Variants in ANTXR2 observed in about 807,000 individuals in gnomAD.
ANTXR2 encodes the protein anthrax toxin receptor 2.
A neutral mutation model predicts 73.7 loss-of-function variants in ANTXR2; 44 were observed. The observed-to-expected ratio is 0.60, with a 90% CI of 0.47 to 0.77. ANTXR2 has a LOEUF of 0.77. Ranked by LOEUF, ANTXR2 falls within the 30% of genes least tolerant of loss-of-function variation. ANTXR2 has a pLI of 0.00. For missense variants in ANTXR2, 604 were observed against 592.5 expected (o/e 1.02, Z -0.20); for synonymous variants, 217 against 205.9 (o/e 1.05, Z -0.46).
chr4:79,994,394 A>G (rs768426754), intron 12 of ANTXR2, among the ~76,000 whole-genome samples: 93 of 152,034 alleles, frequency 6.1e-4, no homozygotes, highest in Non-Finnish European at 1.3e-3. Context: ...GAATTTCCAT[A>G]AAGTACTCTC....
intron 11 of ANTXR2, among the ~76,000 whole-genome samples, chr4:80,011,594 G>A (rs979745727): frequency 2.0e-5 from 3 of 152,020 alleles, no homozygotes; most frequent in South Asian, 2.1e-4. Flanking sequence ...TTCTAGTTTC[G>A]CTCGTGATAT....
intron 13 of ANTXR2, among the ~76,000 whole-genome samples, chr4:79,984,200 C>T (rs1292761281): frequency 6.6e-6 from 1 of 152,142 alleles, no homozygotes; most frequent in East Asian, 1.9e-4. Flanking sequence ...CTTACATCAT[C>T]CCTAGGTAAC....
intron 16 of ANTXR2, among the ~76,000 whole-genome samples, chr4:79,915,858 C>CTATATATATATATATATATATA (rs1248612325): frequency 8.5e-6 from 1 of 117,590 alleles, no homozygotes; most frequent in African/African-American, 3.0e-5. Context: ...CTCTCTCTCT[C>CTATATATATATATATATATATA]TCTCTATATA....
intron 7 of ANTXR2, among the ~76,000 whole-genome samples, chr4:80,045,583 T>G (rs1305857067): frequency 2.0e-5 from 3 of 151,070 alleles, no homozygotes; most frequent in Non-Finnish European, 3.0e-5. Flanking sequence ...AGCAAGGTTT[T>G]TTTTTTTTTT....
At chr4:80,011,336 A>ATCTATCTGTCTG (rs1731577094) in intron 11 of ANTXR2, among the ~76,000 whole-genome samples, 2 of 151,630 alleles carry the variant, frequency 1.3e-5, no homozygotes, top group African/African-American at 4.9e-5. Flanking sequence ...CTATCTATCT[A>ATCTATCTGTCTG]TCTATCTGTC....
At chr4:80,067,186 A>G (rs1470064463) in intron 3 of ANTXR2, among the ~76,000 whole-genome samples, 3 of 150,404 alleles carry the variant, frequency 2.0e-5, no homozygotes, top group African/African-American at 7.4e-5. Flanking sequence ...AGCCTGGGCA[A>G]CAGAACGAGA....
At chr4:80,031,918 CTT>C (rs1422201772) in intron 9 of ANTXR2, among the ~76,000 whole-genome samples, 1 of 151,620 alleles carries the variant, frequency 6.6e-6, no homozygotes, top group Non-Finnish European at 1.5e-5. Flanking sequence ...ATTATTTTGA[CTT>C]AGACTAAGTT....
chr4:79,930,659 C>T (rs1375093911), intron 16 of ANTXR2, among the ~76,000 whole-genome samples: 2 of 152,142 alleles, frequency 1.3e-5, no homozygotes, highest in Non-Finnish European at 2.9e-5. Flanking sequence ...TCATTCTCTC[C>T]TTCTTTTCCT....
Position 79,906,350 on chromosome 4 carries a change from A to C in ANTXR2, c.*1079T>G, listed in dbSNP as rs567072402. ...AATAGGTCATTCAATGTCAAAAGGC[A>C]TAAAAAAGATGAGCAAAATCTTCAC... On this transcript the variant is annotated 3_prime_UTR_variant, in exon 17 of 17. Coordinates refer to ENST00000403729, the MANE Select transcript of ANTXR2 (RefSeq NM_058172.6). 2 of 152,610 alleles carry C rather than the reference A, an allele frequency of 1.3e-5. No homozygotes were observed. The highest frequency in any genetic ancestry group is 2.9e-5 in the Non-Finnish European group (2 of 68,034). 9.5% of individuals were successfully genotyped at this position (152,610 alleles called of 1,614,324 possible). A position where few individuals can be genotyped will look rare whatever the true frequency, so the allele number is the denominator to read the frequency against.
chr4:79,922,863 A>G (rs1005441203), intron 16 of ANTXR2, among the ~76,000 whole-genome samples: 1 of 152,128 alleles, frequency 6.6e-6, no homozygotes, highest in Non-Finnish European at 1.5e-5. Flanking sequence ...ATGGCTTTCT[A>G]AAACAAAAAG....
intron 16 of ANTXR2, among the ~76,000 whole-genome samples, chr4:79,933,240 A>G (rs1728128158): frequency 6.6e-6 from 1 of 152,218 alleles, no homozygotes; most frequent in African/African-American, 2.4e-5. Flanking sequence ...AGAAATCAGT[A>G]TTTATATTGT....
At chr4:80,062,818 C>T (rs1734325500) in intron 3 of ANTXR2, among the ~76,000 whole-genome samples, 1 of 152,112 alleles carries the variant, frequency 6.6e-6, no homozygotes, top group South Asian at 2.1e-4. Flanking sequence ...GGTGTGAACC[C>T]TGGCTCTAGC....
intron 12 of ANTXR2, among the ~76,000 whole-genome samples, chr4:79,992,387 T>C (rs1402798077): frequency 6.6e-6 from 1 of 151,856 alleles, no homozygotes; most frequent in Non-Finnish European, 1.5e-5. Flanking sequence ...AGGGAAAAAA[T>C]ACACAGACAA....
intron 3 of ANTXR2, among the ~76,000 whole-genome samples, chr4:80,059,104 C>T (rs978407705): frequency 6.6e-6 from 1 of 151,980 alleles, no homozygotes; most frequent in Non-Finnish European, 1.5e-5. Flanking sequence ...TGTTTCATCC[C>T]CTTTTCCAAA....
intron 12 of ANTXR2, among the ~76,000 whole-genome samples, chr4:79,995,399 CAGAT>C (rs1730679014): frequency 6.6e-6 from 1 of 151,760 alleles, no homozygotes; most frequent in Admixed American, 6.6e-5. Context: ...AAATAATACA[CAGAT>C]AGATTTACAT....
intron 12 of ANTXR2, among the ~76,000 whole-genome samples, chr4:80,001,282 C>A (rs1227643327): frequency 4.6e-5 from 7 of 150,602 alleles, no homozygotes; most frequent in Admixed American, 1.3e-4. Context: ...CGTCATCTAG[C>A]ATTAGGTATA....
chr4:80,071,223 G>A (rs187738968), intron 2 of ANTXR2, among the ~76,000 whole-genome samples: 96 of 152,182 alleles, frequency 6.3e-4, no homozygotes, highest in African/African-American at 2.3e-3. Context: ...GCTAAGAAAT[G>A]TGTGGAAAGA....
chr4:79,946,129 C>T (rs887330118), intron 16 of ANTXR2, among the ~76,000 whole-genome samples: 5 of 151,994 alleles, frequency 3.3e-5, no homozygotes, highest in African/African-American at 7.3e-5. Flanking sequence ...TGTTATATAA[C>T]GATCCCCATT....
chr4:79,955,785 G>A (rs570533210), intron 16 of ANTXR2, among the ~76,000 whole-genome samples: 10 of 152,172 alleles, frequency 6.6e-5, no homozygotes, highest in East Asian at 1.9e-4. Context: ...TGACAGTATC[G>A]AGATCCCAAC....
Sources: allele counts gnomAD v4.1 joint callset (sites outside exome capture counted in the v4.1 genomes callset), GRCh38; gene constraint gnomAD v4.1.1; transcripts MANE v1.5; gene names NCBI Gene and HGNC (gene_info 2026-07-23, HGNC 2026-07-21).